Variants in SOS1 observed in about 807,000 individuals in gnomAD.
SOS1 encodes the protein SOS Ras/Rac guanine nucleotide exchange factor 1.
In SOS1, 25 loss-of-function variants were observed where a neutral mutation model predicts 157.6. That is an observed-to-expected ratio of 0.16 (90% CI 0.12 to 0.22). The LOEUF is 0.22. Ranked by LOEUF, SOS1 falls within the 10% of genes least tolerant of loss-of-function variation. The pLI, the probability that SOS1 is intolerant of heterozygous loss-of-function variation, is 1.00. For synonymous variants in SOS1, 528 were observed against 534.0 expected (o/e 0.99, Z 0.16); for missense variants, 1,237 against 1,599.1 (o/e 0.77, Z 3.86).
chr2:39,058,231 A>G (rs7607509), intron 3 of SOS1, among the ~76,000 whole-genome samples: 120,449 of 151,900 alleles, frequency 0.79, 49,657 homozygotes, highest in Non-Finnish European at 0.91. Flanking sequence ...CATGATAAGT[A>G]GGACTGGAGA....
At chr2:39,035,039 C>G (rs1007342085) in intron 8 of SOS1, among the ~76,000 whole-genome samples, 173 bp downstream of exon 8, 2 of 151,820 alleles carry the variant, frequency 1.3e-5, no homozygotes, top group African/African-American at 4.8e-5. Flanking sequence ...ACTACTAAGA[C>G]GAGAAAATAT....
chr2:39,060,010 A>C (rs1026976806), intron 2 of SOS1, among the ~76,000 whole-genome samples: 5 of 152,182 alleles, frequency 3.3e-5, no homozygotes, highest in Non-Finnish European at 5.9e-5. Flanking sequence ...ACAAAGGCCC[A>C]AAATATTGAG....
chr2:39,093,728 C>T (rs1672672058), intron 1 of SOS1, among the ~76,000 whole-genome samples: 2 of 152,104 alleles, frequency 1.3e-5, no homozygotes, highest in East Asian at 3.9e-4. Flanking sequence ...TAGTAGGAGG[C>T]CAGATCACTT....
At chr2:39,066,816 T>G (rs2148138909) in intron 2 of SOS1, among the ~76,000 whole-genome samples, 1 of 152,248 alleles carries the variant, frequency 6.6e-6, no homozygotes, top group African/African-American at 2.4e-5. Flanking sequence ...ATCAAAACAT[T>G]AACAGAAATC....
At chr2:39,067,344 TGCTC>T (rs1671623468) in intron 2 of SOS1, among the ~76,000 whole-genome samples, 1 of 152,122 alleles carries the variant, frequency 6.6e-6, no homozygotes, top group African/African-American at 2.4e-5. Flanking sequence ...GCTGACATGA[TGCTC>T]ACTGGAACAC....
chr2:39,060,189 A>G (rs377040532), intron 2 of SOS1, among the ~76,000 whole-genome samples: 37 of 152,360 alleles, frequency 2.4e-4, no homozygotes, highest in African/African-American at 8.9e-4. Flanking sequence ...AAATGTTTAT[A>G]GTGATGGGTT....
intron 1 of SOS1, among the ~76,000 whole-genome samples, chr2:39,110,766 T>A (rs1355110390): frequency 6.6e-6 from 1 of 152,068 alleles, no homozygotes; most frequent in African/African-American, 2.4e-5. Flanking sequence ...AAGAGAGCAA[T>A]AACCTTAAAA....
rs1671148501 is a variant in SOS1 at position 39,054,793 on chromosome 2, C to T, written c.541G>A (p.Glu181Lys). Residue 181 changes from glutamate (E) to lysine (K), a missense_variant, in exon 5 of 23, where the codon GAA (glutamate) becomes AAA (lysine). Physicochemically the swap from Glu to Lys is moderately conservative, Grantham distance 56. This residue lies in a region of SOS1 where 108 missense variants were observed against 115.3 expected (regional missense o/e 0.94). Coordinates refer to ENST00000402219, the MANE Select transcript of SOS1 (RefSeq NM_005633.4). ...GTTAAAGATAATATATTAATATCTT[C>T]TACATCTTGATGAAACATATCCATC... is the stretch of plus-strand genomic sequence containing the variant. ...VLMDMFHQDV[E>K]DINILSLTDE... 1 of 1,539,110 alleles carries T rather than the reference C, an allele frequency of 6.5e-7. No homozygotes were observed. Among genetic ancestry groups the T allele is most frequent in the Non-Finnish European group, 9.0e-7 (1 of 1,111,966 alleles).
At chr2:39,041,113 C>CA (rs1384735931) in intron 6 of SOS1, among the ~76,000 whole-genome samples, 1 of 152,090 alleles carries the variant, frequency 6.6e-6, no homozygotes, top group Non-Finnish European at 1.5e-5. Flanking sequence ...GGCTGGAGTG[C>CA]AATCATGTGA....
chr2:39,114,298 C>CT (rs747826503), intron 1 of SOS1, among the ~76,000 whole-genome samples: 1,522 of 143,816 alleles, frequency 0.011, 8 homozygotes, highest in Non-Finnish European at 0.017. Context: ...TTGTTCTTTT[C>CT]TTTTTTTTTT....
At chr2:39,120,263 GC>G in intron 1 of SOS1, 72 bp downstream of exon 1, 1 of 1,347,420 alleles carries the variant, frequency 7.4e-7, no homozygotes, top group East Asian at 2.9e-5. Context: ...CGCGCGCCCC[GC>G]CTCCCCAGCC....
intron 6 of SOS1, among the ~76,000 whole-genome samples, chr2:39,036,976 T>C (rs1294922204): frequency 6.6e-6 from 1 of 152,174 alleles, no homozygotes; most frequent in African/African-American, 2.4e-5. Flanking sequence ...TGGCCTCAGA[T>C]TGCTTTTTAA....
chr2:39,044,864 G>GCACACACACACA (rs59580960), intron 6 of SOS1, among the ~76,000 whole-genome samples: 21 of 147,660 alleles, frequency 1.4e-4, no homozygotes, highest in South Asian at 2.2e-4. Context: ...GCGCGCGCGC[G>GCACACACACACA]CACACACACA....
At chr2:39,086,136 A>C (rs888407305) in intron 1 of SOS1, among the ~76,000 whole-genome samples, 3 of 152,214 alleles carry the variant, frequency 2.0e-5, no homozygotes, top group Non-Finnish European at 4.4e-5. Context: ...AGTACAGGAT[A>C]CCAAGAGGCT....
chr2:39,068,441 G>A (rs979753233), intron 1 of SOS1, among the ~76,000 whole-genome samples: 1 of 152,166 alleles, frequency 6.6e-6, no homozygotes, highest in Non-Finnish European at 1.5e-5. Flanking sequence ...ATGGGCCTCT[G>A]ACTGTTGTTT....
chr2:38,993,964 G>A (rs887116914), intron 20 of SOS1: 6 of 152,152 alleles, frequency 3.9e-5, no homozygotes, highest in Non-Finnish European at 7.3e-5. Context: ...AGTTTCACAT[G>A]AAATTAATTT....
intron 3 of SOS1, among the ~76,000 whole-genome samples, chr2:39,057,639 AATG>A (rs1483298756): frequency 1.3e-5 from 2 of 152,116 alleles, no homozygotes; most frequent in Non-Finnish European, 2.9e-5. Context: ...AATAAATTGA[AATG>A]ATATTCACAA....
At chr2:39,104,491 T>G (rs895790233) in intron 1 of SOS1, among the ~76,000 whole-genome samples, 2 of 152,146 alleles carry the variant, frequency 1.3e-5, no homozygotes, top group African/African-American at 4.8e-5. Flanking sequence ...GAAATTGACA[T>G]GTGTACATTG....
chr2:39,062,547 C>A, intron 2 of SOS1, among the ~76,000 whole-genome samples: 2 of 142,478 alleles, frequency 1.4e-5, no homozygotes, highest in African/African-American at 2.6e-5. Context: ...AGACGTTTTA[C>A]ATTTTACGAT....
Sources: allele counts gnomAD v4.1 joint callset (sites outside exome capture counted in the v4.1 genomes callset), GRCh38; gene constraint gnomAD v4.1.1; regional missense constraint gnomAD v4.1.1; transcripts MANE v1.5; gene names NCBI Gene and HGNC (gene_info 2026-07-23, HGNC 2026-07-21).